PCDH1: variants seen among roughly 807,000 people sequenced by gnomAD.
PCDH1 encodes the protein protocadherin 1, also known as protocadherin-1.
In PCDH1, 23 loss-of-function variants were observed where a neutral mutation model predicts 74.6. The ratio of observed to expected loss-of-function variants is 0.31; its 90% CI spans 0.22 to 0.44. The LOEUF (loss-of-function observed/expected upper bound fraction) is 0.44, where lower values mean the gene tolerates loss of function less well. Ranked by LOEUF, PCDH1 falls within the 20% of genes least tolerant of loss-of-function variation. The pLI is 1.00. For missense variants in PCDH1, 1,214 were observed against 1,641.4 expected (o/e 0.74, Z 4.50); for synonymous variants, 647 against 686.1 (o/e 0.94, Z 0.89).
At position 141,869,684 on chromosome 5, in the gene PCDH1, C is replaced by T; in HGVS notation, c.41-253G>A. On this transcript the variant is annotated intron_variant, in intron 1 of 4. Coordinates refer to ENST00000287008, the MANE Select transcript of PCDH1 (RefSeq NM_032420.5). The surrounding 1 kb of genome is among the most constrained non-coding windows in gnomAD (Gnocchi z 4.9). ...CCTGGCATGCCTAGAGCAGCTCCCG[C>T]CCATGGAACACCCTCACCCACCTGA... is the stretch of plus-strand genomic sequence containing the variant. 1 of 1,519,354 alleles carries T rather than the reference C, an allele frequency of 6.6e-7. No homozygotes were observed. Among genetic ancestry groups the T allele is most frequent in the Non-Finnish European group, 8.8e-7 (1 of 1,136,732 alleles). 94.1% of individuals were successfully genotyped at this position (1,519,354 alleles called of 1,614,324 possible). A position where few individuals can be genotyped will look rare whatever the true frequency, so the allele number is the denominator to read the frequency against.
chr5:141,869,049 T>C lies in PCDH1; in HGVS notation c.423A>G (p.Thr141=), dbSNP rs993613519. 6.2e-7 allele frequency: 1 copy of C among 1,613,986 alleles called. No individual in the cohort carries two copies. Among genetic ancestry groups the C allele is most frequent in the Admixed American group, 1.7e-5 (1 of 59,992 alleles). ...GGGGGCTGCCATTCTGCACGAGGTC[T>C]GTGATAGATACCTCAAACTCCAGGA... is the stretch of plus-strand genomic sequence containing the variant. ...PCILEFEVSI[T]DLVQNGSPRL... is the part of the protein sequence containing the mutation. Residue 141 remains threonine (T), a synonymous_variant, in exon 2 of 5, where the codon ACA becomes ACG. Transcript: ENST00000287008. This position sits in a 1 kb window ranked among gnomAD's most constrained non-coding sequence, Gnocchi z 4.9.
chr5:141,867,293 T>C (rs1752887527), intron 2 of PCDH1, among the ~76,000 whole-genome samples: 2 of 152,204 alleles, frequency 1.3e-5, no homozygotes, highest in African/African-American at 4.8e-5. Flanking sequence ...CTCTCTGCCC[T>C]ACTCTCCCGC....
chr5:141,860,288 A>C (rs1465484311), intron 3 of PCDH1, among the ~76,000 whole-genome samples: 2 of 152,164 alleles, frequency 1.3e-5, no homozygotes, highest in Non-Finnish European at 2.9e-5. Flanking sequence ...TGAGGTGGGC[A>C]GATCGCTTGA....
At chr5:141,874,529 C>T (rs1228942156) in intron 1 of PCDH1, among the ~76,000 whole-genome samples, 3 of 152,176 alleles carry the variant, frequency 2.0e-5, no homozygotes, top group Non-Finnish European at 2.9e-5. Flanking sequence ...GCAGAAGTGC[C>T]GTCAGGGGTG....
Position 141,854,363 on chromosome 5 carries a change from G to C in PCDH1, c.3393C>G (p.Asp1131Glu). The C allele has an allele frequency of 6.2e-7, 1 of 1,613,658 alleles. No homozygotes were observed. The change falls in exon 5 of 5, where the codon GAC (aspartate) becomes GAG (glutamate). Residue 1131 changes from aspartate to glutamate, a missense_variant. Physicochemically the swap from Asp to Glu is conservative, Grantham distance 45. Around this residue, in one of 4 missense-constraint regions of PCDH1, gnomAD observed 194 missense variants for 198.3 expected, o/e 0.98. Coordinates refer to ENST00000287008, the MANE Select transcript of PCDH1 (RefSeq NM_032420.5). ...TRECSEFGHSDTCWMPGQSSP... is the reference protein window; with the variant it reads ...TRECSEFGHSETCWMPGQSSP... ...ATGACTGGCCAGGCATCCAGCATGT[G>C]TCAGAGTGGCCAAACTCACTGCACT... is the stretch of plus-strand genomic sequence containing the variant.
At position 141,878,227 on chromosome 5, in the gene PCDH1, C is replaced by A; in HGVS notation, c.36G>T (p.Glu12Asp). Residue 12 changes from glutamate to aspartate, a missense_variant, in exon 1 of 5, where the codon GAG becomes GAT. Physicochemically the swap from Glu to Asp is conservative, Grantham distance 45 (BLOSUM62 2). This residue lies in a region of PCDH1 where 87 missense variants were observed against 87.7 expected (regional missense o/e 0.99). Transcript: ENST00000287008. This position sits in a 1 kb window ranked among gnomAD's most constrained non-coding sequence, Gnocchi z 5.5. ...DSGAGGRRCP[E>D]AALLILGPPR... ...CCACCGCCGCCGGATCCTTACCCGC[C>A]TCCGGGCAGCGCCGGCCGCCCGCCC... 7.1e-7 allele frequency: 1 copy of A among 1,409,420 alleles called. No homozygotes were observed. Among genetic ancestry groups the A allele is most frequent in the South Asian group, 1.5e-5 (1 of 68,774 alleles). 87.3% of individuals were successfully genotyped at this position (1,409,420 alleles called of 1,614,324 possible).
intron 1 of PCDH1, among the ~76,000 whole-genome samples, chr5:141,874,490 G>T (rs367885337): frequency 6.6e-6 from 1 of 152,326 alleles, no homozygotes; most frequent in East Asian, 1.9e-4. Flanking sequence ...GGGAACAGGC[G>T]CAGGGACCCA....
intron 2 of PCDH1, among the ~76,000 whole-genome samples, chr5:141,866,491 A>C (rs1752843944): frequency 1.3e-5 from 2 of 152,208 alleles, no homozygotes; most frequent in African/African-American, 4.8e-5. Flanking sequence ...GAGAAACATG[A>C]GGGCTGGAGT....
rs1431987923 is a variant in PCDH1, at chr5:141,865,356, A to T, written c.975T>A (p.Val325=). The part of the protein sequence containing the change: ...IEYTFHQAPE[V]VRRLLRLDRN... ...TGTCCAGTCGAAGAAGACGCCTCAC[A>T]ACTTCGGGCGCCTGGTGGAATGTGT... Residue 325 remains valine, a synonymous_variant, in exon 3 of 5, where the codon GTT becomes GTA. Coordinates refer to ENST00000287008, the MANE Select transcript of PCDH1 (RefSeq NM_032420.5). The surrounding 1 kb of genome is among the most constrained non-coding windows in gnomAD (Gnocchi z 4.4). 4 of 1,614,106 alleles carry T rather than the reference A, an allele frequency of 2.5e-6. No individual in the cohort carries two copies. The South Asian group carries it at 4.4e-5, about 18-fold the overall frequency.
chr5:141,862,646 C>T (rs1231269352), intron 3 of PCDH1: 2 of 985,922 alleles, frequency 2.0e-6, no homozygotes, highest in African/African-American at 3.5e-5. Context: ...AATAAGAAAC[C>T]AAAACTCCAA....
intron 4 of PCDH1, among the ~76,000 whole-genome samples, chr5:141,856,992 G>A (rs1430442243): frequency 1.3e-5 from 2 of 152,186 alleles, no homozygotes; most frequent in East Asian, 3.9e-4. Context: ...GGTCTGTCAC[G>A]TTCTAGATGT....
chr5:141,867,274 C>G (rs746609112), intron 2 of PCDH1, among the ~76,000 whole-genome samples: 1 of 152,194 alleles, frequency 6.6e-6, no homozygotes, highest in Non-Finnish European at 1.5e-5. Context: ...CTGCTGACCT[C>G]TCTGCTTACT....
chr5:141,875,921 G>A (rs1435062510), intron 1 of PCDH1, among the ~76,000 whole-genome samples: 1 of 151,622 alleles, frequency 6.6e-6, no homozygotes, highest in African/African-American at 2.4e-5. Context: ...CTAGACCTCC[G>A]GCTTGTCATA....
chr5:141,878,204 A>ACCGCCGCCGGATCCTTAC lies in PCDH1; in HGVS notation c.40+1_40+18dup, dbSNP rs1753289963. 7.0e-7 allele frequency: 1 copy of ACCGCCGCCGGATCCTTAC among 1,421,172 alleles called. No individual in the cohort carries two copies. The highest frequency in any genetic ancestry group is 9.2e-7 in the Non-Finnish European group (1 of 1,089,758). The allele number at this position is 1,421,172 out of a possible 1,614,324, so 88.0% of individuals were successfully genotyped here. On this transcript the variant is annotated intron_variant, in intron 1 of 4. Transcript: ENST00000287008. The surrounding 1 kb of genome is among the most constrained non-coding windows in gnomAD (Gnocchi z 5.5). The stretch of plus-strand genomic sequence containing the variant: ...CGGGCCCCAAGCCGCTGCTGCCTCC[A>ACCGCCGCCGGATCCTTAC]CCGCCGCCGGATCCTTACCCGCCTC...
rs1343008247 is a variant in PCDH1, at chr5:141,868,768, A to G, written c.704T>C (p.Met235Thr). 1 of 1,614,104 alleles carries G rather than the reference A, an allele frequency of 6.2e-7. No homozygotes were observed. Among genetic ancestry groups the G allele is most frequent in the African/African-American group, 1.3e-5 (1 of 74,936 alleles). Residue 235 changes from methionine (M) to threonine (T), a missense_variant, in exon 2 of 5, where the codon ATG becomes ACG. By Grantham distance (81) the Met-to-Thr change is moderately conservative. This residue lies in a region of PCDH1 where 836 missense variants were observed against 1,182.2 expected (regional missense o/e 0.71). Transcript: ENST00000287008. The surrounding 1 kb of genome is among the most constrained non-coding windows in gnomAD (Gnocchi z 4.8). ...CCAGCGCTCACGGTCCAGGTTGCCC[A>G]TCACAATGAGCTGTGGTTGCTTCTC... ...QEEKQPQLIV[M>T]GNLDRERWDS... is the part of the protein sequence containing the mutation.
chr5:141,853,857 T>G lies in PCDH1; in HGVS notation c.*185A>C. The G allele has an allele frequency of 4.6e-6, 2 of 430,756 alleles. No homozygotes were observed. Among genetic ancestry groups the G allele is most frequent in the Non-Finnish European group, 8.0e-6 (2 of 251,570 alleles). 26.7% of individuals were successfully genotyped at this position (430,756 alleles called of 1,614,324 possible). A position where few individuals can be genotyped will look rare whatever the true frequency, so the allele number is the denominator to read the frequency against. The stretch of plus-strand genomic sequence containing the variant: ...GCCCCTGGGGGCTGGGAGATGGAAA[T>G]GAGGGGAGAGGACCTGGACCCTGCA... On this transcript the variant is annotated 3_prime_UTR_variant, in exon 5 of 5. Transcript: ENST00000287008.
At position 141,864,783 on chromosome 5, in the gene PCDH1, C is replaced by G. The variant is rs146477358; in HGVS notation, c.1548G>C (p.Pro516=). ...FTQSVTEVAF[P]ENNKPGEVIA... is the part of the protein sequence containing the mutation. ...TCACTTCACCAGGCTTGTTGTTTTCCGGGAAGGCGACCTCAGTGACACTCT... is the reference window on the plus strand; with the variant it reads ...TCACTTCACCAGGCTTGTTGTTTTCGGGGAAGGCGACCTCAGTGACACTCT... The change falls in exon 3 of 5, where the codon CCG becomes CCC. Residue 516 remains proline (P), a synonymous_variant. Transcript: ENST00000287008. This position sits in a 1 kb window ranked among gnomAD's most constrained non-coding sequence, Gnocchi z 5.9. 4.5e-5 allele frequency: 73 copies of G among 1,613,988 alleles called. No individual in the cohort carries two copies. The highest frequency in any genetic ancestry group is 6.0e-5 in the Non-Finnish European group (71 of 1,180,024).
rs760501645 is a variant in PCDH1, at chr5:141,854,231, C to CG, written c.3524dup (p.Glu1176GlyfsTer23). ...GGGCCGTTTTGGTGTTCCGGTCTTC[C>CG]GGGGGGCTGGGGCTGCCGGCGCCCG... On this transcript the variant is annotated frameshift_variant, in exon 5 of 5. Coordinates refer to ENST00000287008, the MANE Select transcript of PCDH1 (RefSeq NM_032420.5). LOFTEE classifies it high-confidence loss of function. 3.7e-6 allele frequency: 6 copies of CG among 1,611,006 alleles called. No homozygotes were observed. Among genetic ancestry groups the CG allele is most frequent in the Non-Finnish European group, 3.4e-6 (4 of 1,178,540 alleles).
chr5:141,855,767 C>T (rs1279237649), intron 4 of PCDH1, among the ~76,000 whole-genome samples: 1 of 152,176 alleles, frequency 6.6e-6, no homozygotes, highest in African/African-American at 2.4e-5. Context: ...AACCAGCCAC[C>T]ACCCCTGGCC....
Sources: allele counts gnomAD v4.1 joint callset (sites outside exome capture counted in the v4.1 genomes callset), GRCh38; gene constraint gnomAD v4.1.1; regional missense constraint gnomAD v4.1.1; non-coding constraint Gnocchi (gnomAD v3.1); transcripts MANE v1.5; gene names NCBI Gene and HGNC (gene_info 2026-07-23, HGNC 2026-07-21).